CSMD3: variants seen among roughly 807,000 people sequenced by gnomAD.
CSMD3 encodes CUB and sushi domain-containing protein 3.
In CSMD3, 177 loss-of-function variants were observed where a neutral mutation model predicts 435.2. The ratio of observed to expected loss-of-function variants is 0.41; its 90% CI spans 0.36 to 0.46. The LOEUF (loss-of-function observed/expected upper bound fraction) is 0.46, where lower values mean the gene tolerates loss of function less well. Ranked by LOEUF, CSMD3 falls within the 20% of genes least tolerant of loss-of-function variation. The pLI is 0.34. For synonymous variants in CSMD3, 1,656 were observed against 1,520.5 expected (o/e 1.09, Z -2.07); for missense variants, 4,265 against 4,504.6 (o/e 0.95, Z 1.52).
At chr8:113,323,767 A>G (rs2093964688) in intron 1 of CSMD3, among the ~76,000 whole-genome samples, 1 of 152,208 alleles carries the variant, frequency 6.6e-6, no homozygotes, top group Non-Finnish European at 1.5e-5. Context: ...ACTGAATGTT[A>G]ATTTAATTTC....
chr8:113,016,782 G>A lies in CSMD3; in HGVS notation c.1030+2285C>T, dbSNP rs572864824. Among the ~76,000 whole-genome samples, 9 of 151,802 alleles carry A rather than the reference G, an allele frequency of 5.9e-5. No individual in the cohort carries two copies. In the East Asian group the frequency reaches 9.7e-4, roughly 16 times the overall value. ...AGCATGGAACAATGTAAAAAGCATC[G>A]TTACCATTTCATGATAGGGCATGTA... On this transcript the variant is annotated intron_variant, in intron 6 of 70. Transcript: ENST00000297405.
intron 13 of CSMD3, among the ~76,000 whole-genome samples, chr8:112,710,779 C>T (rs1218379849): frequency 6.6e-6 from 1 of 150,532 alleles, no homozygotes; most frequent in African/African-American, 2.4e-5. Context: ...AGTCTTTATG[C>T]TATGATGTAT....
chr8:112,506,719 C>T lies in CSMD3; in HGVS notation c.4867G>A (p.Asp1623Asn), dbSNP rs1385450270. The change falls in exon 29 of 71, where the codon GAC (aspartate) becomes AAC (asparagine). Residue 1623 changes from aspartate (D) to asparagine (N), a missense_variant. Physicochemically the swap from Asp to Asn is conservative, Grantham distance 23 (BLOSUM62 1). Around this residue, in one of 3 missense-constraint regions of CSMD3, gnomAD observed 3,255 missense variants for 3,380.2 expected, o/e 0.96. Transcript: ENST00000297405. Reference sequence around the variant, plus strand: ...ATGAACGCCAAGGAGATAACATAGTCTGCATTGACGGTGATAGTCCAGTCA... The same window carrying T: ...ATGAACGCCAAGGAGATAACATAGTTTGCATTGACGGTGATAGTCCAGTCA... Reference protein sequence around the residue: ...DCDWTITVNADYVISLAFISF... With the variant: ...DCDWTITVNANYVISLAFISF... 6.2e-7 allele frequency: 1 copy of T among 1,613,658 alleles called. No individual in the cohort carries two copies. Among genetic ancestry groups the T allele is most frequent in the Non-Finnish European group, 8.5e-7 (1 of 1,179,638 alleles).
intron 30 of CSMD3, among the ~76,000 whole-genome samples, chr8:112,501,173 T>C (rs1347017814): frequency 6.6e-6 from 1 of 151,938 alleles, no homozygotes; most frequent in Non-Finnish European, 1.5e-5. Flanking sequence ...CTTAATCTTC[T>C]TGGCGCCAAA....
intron 9 of CSMD3, among the ~76,000 whole-genome samples, chr8:112,939,634 T>C (rs1479213633): frequency 6.6e-6 from 1 of 152,012 alleles, no homozygotes; most frequent in East Asian, 1.9e-4. Context: ...TCAATTGTTA[T>C]AAAAAGTTGA....
intron 3 of CSMD3, among the ~76,000 whole-genome samples, chr8:113,216,411 A>G (rs2092906578): frequency 6.6e-6 from 1 of 151,930 alleles, no homozygotes; most frequent in South Asian, 2.1e-4. Context: ...ATATTGGTGA[A>G]TTTGAACAAG....
chr8:112,910,823 T>C (rs1416523169), intron 10 of CSMD3, among the ~76,000 whole-genome samples: 3 of 151,966 alleles, frequency 2.0e-5, no homozygotes, highest in African/African-American at 7.2e-5. Context: ...ATTAGCCATG[T>C]GGCTTATACA....
intron 1 of CSMD3, among the ~76,000 whole-genome samples, chr8:113,400,164 T>G (rs2133198598): frequency 6.6e-6 from 1 of 152,120 alleles, no homozygotes. Context: ...AGTAAAAGTT[T>G]TAGCCAGTTC....
chr8:112,295,778 C>T (rs1416197074), intron 54 of CSMD3, 55 bp downstream of exon 54: 1 of 1,493,926 alleles, frequency 6.7e-7, no homozygotes. Context: ...CTAACAAAAA[C>T]TAGAATTATT....
chr8:112,656,005 C>T (rs2075248450), intron 18 of CSMD3, 149 bp downstream of exon 18: 1 of 532,338 alleles, frequency 1.9e-6, no homozygotes, highest in Non-Finnish European at 3.3e-6. Flanking sequence ...TACTAAAACA[C>T]ACACCTTATA....
intron 20 of CSMD3, 34 bp downstream of exon 20, chr8:112,645,075 G>T (rs746998855): frequency 5.8e-6 from 6 of 1,038,162 alleles, no homozygotes; most frequent in Non-Finnish European, 7.6e-6. Context: ...AAATTCAGAA[G>T]ATAGTCCAAT....
chr8:112,910,330 A>G (rs925267439), intron 10 of CSMD3, among the ~76,000 whole-genome samples: 9 of 151,772 alleles, frequency 5.9e-5, no homozygotes, highest in African/African-American at 2.2e-4. Flanking sequence ...TAAAAATTTC[A>G]GTTTCATCCA....
chr8:112,931,884 A>G (rs1458793322), intron 9 of CSMD3, among the ~76,000 whole-genome samples: 2 of 152,170 alleles, frequency 1.3e-5, no homozygotes, highest in African/African-American at 4.8e-5. Context: ...GCAAATCAAA[A>G]CCACAATCAG....
chr8:112,396,552 C>A (rs180918791), intron 35 of CSMD3, among the ~76,000 whole-genome samples: 3 of 152,198 alleles, frequency 2.0e-5, no homozygotes, highest in African/African-American at 7.2e-5. Flanking sequence ...TGGTGGAATA[C>A]TGAAATGGAA....
chr8:112,545,569 G>T (rs1277341617), intron 27 of CSMD3, among the ~76,000 whole-genome samples: 1 of 150,026 alleles, frequency 6.7e-6, no homozygotes, highest in Non-Finnish European at 1.5e-5. Context: ...TGGGTGACCT[G>T]TTCATATCTA....
intron 13 of CSMD3, among the ~76,000 whole-genome samples, chr8:112,758,543 TATC>T (rs1280080696): frequency 1.3e-5 from 2 of 152,120 alleles, no homozygotes; most frequent in Non-Finnish European, 2.9e-5. Flanking sequence ...ATCAATTTCT[TATC>T]ATATATTTTA....
At chr8:113,012,517 G>T (rs1237767809) in intron 6 of CSMD3, among the ~76,000 whole-genome samples, 1 of 151,926 alleles carries the variant, frequency 6.6e-6, no homozygotes, top group African/African-American at 2.4e-5. Flanking sequence ...TTATGAAGGC[G>T]GTTTCCCCCA....
intron 12 of CSMD3, among the ~76,000 whole-genome samples, chr8:112,814,970 T>A: frequency 1.7e-5 from 1 of 59,394 alleles, no homozygotes; most frequent in Non-Finnish European, 3.1e-5. Context: ...ATATGCAACT[T>A]TCGCTTTTTA....
At chr8:113,307,192 A>G (rs1259395700) in intron 2 of CSMD3, among the ~76,000 whole-genome samples, 1 of 152,130 alleles carries the variant, frequency 6.6e-6, no homozygotes, top group Non-Finnish European at 1.5e-5. Flanking sequence ...TTTTCTGGAA[A>G]AAACTTAGTT....
Sources: gnomAD v4.1 joint callset for allele counts (sites outside exome capture counted in the v4.1 genomes callset) on GRCh38, gnomAD v4.1.1 for gene constraint, gnomAD v4.1.1 regional missense constraint, MANE v1.5 for transcripts, NCBI Gene and HGNC (gene_info 2026-07-23, HGNC 2026-07-21) for gene names.